The following DPH6 variants were observed in gnomAD, a reference collection of about 807,000 sequenced individuals.
DPH6 encodes diphthamine biosynthesis 6.
DPH6 carries 33 observed loss-of-function variants against 38.2 expected under a neutral mutation model. That is an observed-to-expected ratio of 0.86 (90% CI 0.65 to 1.15). DPH6 has a LOEUF of 1.15. Among genes scored for constraint, DPH6 ranks in the 50% most tolerant of loss-of-function variants. The pLI, the probability that DPH6 is intolerant of heterozygous loss-of-function variation, is 0.00. For missense variants in DPH6, 325 were observed against 320.0 expected, an observed-to-expected ratio of 1.02 and a Z score of -0.12; for synonymous variants, 108 against 103.0, an observed-to-expected ratio of 1.05 and a Z score of -0.30.
At chr15:35,331,335 C>T (rs1390897591) in intron 3 of DPH6, among the ~76,000 whole-genome samples, 1 of 152,234 alleles carries the variant, frequency 6.6e-6, no homozygotes. Flanking sequence ...AGAGTTTTTA[C>T]ATTAAAATAT....
the DPH6 span, among the ~76,000 whole-genome samples, chr15:35,190,186 A>T: frequency 0.029 from 4,346 of 152,306 alleles, 283 homozygotes; most frequent in East Asian, 0.3. Context: ...GTCTTAAGGC[A>T]GATAAGGGAA....
chr15:35,356,944 C>T (rs1319716520), intron 3 of DPH6, among the ~76,000 whole-genome samples: 1 of 152,202 alleles, frequency 6.6e-6, no homozygotes, highest in Non-Finnish European at 1.5e-5. Context: ...GTTCGAGCTT[C>T]CTGGCCACTT....
At position 35,299,790 on chromosome 15, in the gene DPH6, A is replaced by G. The variant is rs78509731; in HGVS notation, n.200+73731T>C. Reference sequence around the variant, plus strand: ...AGTCTCGACTTATTTTCTTCATAGTATTTAGCAGAATCTGAAAGTATTCTT... The same window carrying G: ...AGTCTCGACTTATTTTCTTCATAGTGTTTAGCAGAATCTGAAAGTATTCTT... On this transcript the variant is annotated intron_variant and non_coding_transcript_variant, in intron 3 of 3. Coordinates refer to the DPH6 transcript ENST00000560386. Among the ~76,000 whole-genome samples, 16 of 152,320 alleles carry G rather than the reference A, an allele frequency of 1.1e-4. No homozygotes were observed. The East Asian group carries it at 1.7e-3, about 17-fold the overall frequency.
chr15:35,380,988 CTT>C (rs2052857240), intron 7 of DPH6, among the ~76,000 whole-genome samples: 1 of 152,102 alleles, frequency 6.6e-6, no homozygotes, highest in Non-Finnish European at 1.5e-5. Flanking sequence ...ATGAAAATGT[CTT>C]GTCATATTTT....
intron 6 of DPH6, among the ~76,000 whole-genome samples, chr15:35,385,083 A>T (rs1187880971): frequency 6.6e-6 from 1 of 152,228 alleles, no homozygotes. Flanking sequence ...ATCTCATGCC[A>T]GTTAGATTGG....
chr15:35,284,503 T>TGA (rs992472584), intron 3 of DPH6, among the ~76,000 whole-genome samples: 23 of 151,694 alleles, frequency 1.5e-4, no homozygotes, highest in African/African-American at 5.3e-4. Context: ...AAGAAAAAAG[T>TGA]GAGAGCACTT....
chr15:35,496,429 C>G (rs886608544), intron 3 of DPH6, among the ~76,000 whole-genome samples: 3 of 150,494 alleles, frequency 2.0e-5, no homozygotes, highest in Admixed American at 6.6e-5. Flanking sequence ...GTGGCGGGCA[C>G]CTGCAATCCC....
chr15:35,373,567 G>A lies in DPH6; in HGVS notation c.704C>T (p.Ala235Val), dbSNP rs2052740962. 6.2e-7 allele frequency: 1 copy of A among 1,608,958 alleles called. No homozygotes were observed. The highest frequency in any genetic ancestry group is 8.5e-7 in the Non-Finnish European group (1 of 1,177,524). Residue 235 changes from alanine to valine, a missense_variant, in exon 8 of 9, where the codon GCA becomes GTA. Physicochemically the swap from Ala to Val is moderately conservative, Grantham distance 64. Coordinates refer to ENST00000256538, the MANE Select transcript of DPH6 (RefSeq NM_080650.4). ...TAAAAAGCGTAGATAAGCCACAGGT[G>A]CAAATGCATCAGCTGAATGTATGAC... ...EVVIHSADAF[A>V]PVAYLRFLEL...
chr15:35,314,448 A>C (rs929843061), intron 3 of DPH6, among the ~76,000 whole-genome samples: 10 of 152,174 alleles, frequency 6.6e-5, no homozygotes, highest in Non-Finnish European at 1.5e-4. Flanking sequence ...TTGACTTCAA[A>C]ATCGGTCATA....
At chr15:35,285,966 C>T (rs988523696) in intron 3 of DPH6, among the ~76,000 whole-genome samples, 8 of 140,102 alleles carry the variant, frequency 5.7e-5, no homozygotes, top group African/African-American at 2.1e-4. Flanking sequence ...ATAGAGGCAG[C>T]TATTAAAGCT....
chr15:35,464,883 A>G (rs2054109509), intron 3 of DPH6, among the ~76,000 whole-genome samples: 1 of 152,256 alleles, frequency 6.6e-6, no homozygotes, highest in African/African-American at 2.4e-5. Flanking sequence ...TGTGTTATTC[A>G]TATGCAAATT....
chr15:35,209,713 AT>A, the DPH6 span, among the ~76,000 whole-genome samples: 1 of 152,212 alleles, frequency 6.6e-6, no homozygotes, highest in South Asian at 2.1e-4. Flanking sequence ...TTAAGATAAA[AT>A]TAGTGATGAC....
intron 5 of DPH6, among the ~76,000 whole-genome samples, chr15:35,438,264 C>CTTTCTTTT (rs57003351): frequency 0.21 from 31,380 of 151,612 alleles, 4,079 homozygotes; most frequent in African/African-American, 0.37. Flanking sequence ...CATTTCTTTT[C>CTTTCTTTT]TTTCTTTTTT....
chr15:35,436,202 C>G (rs542309601), intron 5 of DPH6, among the ~76,000 whole-genome samples: 1 of 152,042 alleles, frequency 6.6e-6, no homozygotes, highest in African/African-American at 2.4e-5. Flanking sequence ...CGCGGTGGCT[C>G]ATGCCTGTAA....
At chr15:35,364,190 G>T (rs2052637147) in intron 3 of DPH6, among the ~76,000 whole-genome samples, 1 of 151,604 alleles carries the variant, frequency 6.6e-6, no homozygotes, top group African/African-American at 2.4e-5. Context: ...TTAGTTTCAT[G>T]TTTTTTCCCA....
At chr15:35,441,716 G>A (rs2053790646) in intron 5 of DPH6, among the ~76,000 whole-genome samples, 1 of 152,134 alleles carries the variant, frequency 6.6e-6, no homozygotes, top group Admixed American at 6.5e-5. Flanking sequence ...TGTAGATGAT[G>A]GGTTGATGGG....
At chr15:35,261,804 G>A (rs971723979) in intron 3 of DPH6, among the ~76,000 whole-genome samples, 1 of 150,440 alleles carries the variant, frequency 6.6e-6, no homozygotes, top group Non-Finnish European at 1.5e-5. Context: ...CTGCACTCCA[G>A]CCTGGGCAAC....
chr15:35,240,845 T>G (rs1350071789), intron 3 of DPH6, among the ~76,000 whole-genome samples: 1 of 143,150 alleles, frequency 7.0e-6, no homozygotes, highest in Non-Finnish European at 1.5e-5. Flanking sequence ...CTCCAAAAAT[T>G]AAATTCCGGC....
intron 6 of DPH6, among the ~76,000 whole-genome samples, chr15:35,409,801 A>G (rs1456699230): frequency 6.6e-6 from 1 of 151,972 alleles, no homozygotes; most frequent in Non-Finnish European, 1.5e-5. Flanking sequence ...AATAAATGAC[A>G]TCAAATTATC....
Sources: allele counts gnomAD v4.1 joint callset (sites outside exome capture counted in the v4.1 genomes callset), GRCh38; gene constraint gnomAD v4.1.1; transcripts MANE v1.5; gene names NCBI Gene and HGNC (gene_info 2026-07-23, HGNC 2026-07-21).